The following TRNT1 variants were observed in gnomAD, a reference collection of about 807,000 sequenced individuals.
The protein encoded by TRNT1 is tRNA nucleotidyl transferase 1, also known as CCA tRNA nucleotidyltransferase 1, mitochondrial.
A neutral mutation model predicts 45.6 loss-of-function variants in TRNT1; 44 were observed. The observed-to-expected ratio is 0.97, with a 90% CI of 0.76 to 1.24. The LOEUF (loss-of-function observed/expected upper bound fraction) is 1.24. TRNT1 is among the 50% of genes most tolerant of loss of function. TRNT1 has a pLI of 0.00. For synonymous variants in TRNT1, 201 were observed against 171.4 expected (o/e 1.17, Z -1.35); for missense variants, 633 against 504.4 (o/e 1.25, Z -2.44).
downstream of TRNT1, chr3:3,149,093 G>C (rs1706283649): frequency 6.6e-6 from 1 of 151,914 alleles, no homozygotes; most frequent in African/African-American, 2.4e-5. Flanking sequence ...TTTCTGTGTA[G>C]CCAGTCATAA....
At chr3:3,152,825 A>T (rs140055846), downstream of TRNT1, 11 of 547,752 alleles carry the variant, frequency 2.0e-5, no homozygotes, top group African/African-American at 1.7e-4. Flanking sequence ...AGGAAATAGT[A>T]CTTGTTTTTA....
downstream of TRNT1, among the ~76,000 whole-genome samples, chr3:3,151,339 C>G (rs1221333872): frequency 6.6e-6 from 1 of 151,752 alleles, no homozygotes; most frequent in Admixed American, 6.6e-5. Flanking sequence ...TTGCCAAGAC[C>G]ACATTCTAAC....
downstream of TRNT1, among the ~76,000 whole-genome samples, chr3:3,151,465 T>G (rs1291978400): frequency 6.6e-6 from 1 of 151,230 alleles, no homozygotes; most frequent in Non-Finnish European, 1.5e-5. Flanking sequence ...TTAAACTGGA[T>G]GGGCCAGGAA....
At chr3:3,145,371 T>C (rs1301050588) in intron 5 of TRNT1, 2 of 151,796 alleles carry the variant, frequency 1.3e-5, no homozygotes, top group African/African-American at 4.8e-5. Context: ...GGCATGGCGG[T>C]GTGCGCCTGT....
chr3:3,149,344 T>C (rs1706308069), downstream of TRNT1: 1 of 152,178 alleles, frequency 6.6e-6, no homozygotes, highest in South Asian at 2.1e-4. Flanking sequence ...ATACTATTTC[T>C]GTATAGAAAG....
At chr3:3,130,001 G>A in intron 2 of TRNT1, 1 of 1,539,532 alleles carries the variant, frequency 6.5e-7, no homozygotes, top group Non-Finnish European at 8.7e-7. Flanking sequence ...CTGTCTGGAA[G>A]GAGCATAGGA....
chr3:3,151,126 A>ACTT, downstream of TRNT1: 1 of 1,421,460 alleles, frequency 7.0e-7, no homozygotes, highest in African/African-American at 1.4e-5. Context: ...ATGAAGACAG[A>ACTT]CTTTAGAGGC....
intron 4 of TRNT1, 115 bp downstream of exon 4, chr3:3,140,763 G>C: frequency 1.5e-6 from 2 of 1,339,330 alleles, no homozygotes; most frequent in Non-Finnish European, 2.1e-6. Context: ...TTTCTTCTAA[G>C]AGATGGTTTA....
At position 3,137,470 on chromosome 3, in the gene TRNT1, A is replaced by G. The variant is rs1705398977; in HGVS notation, c.342+17A>G. ...ACTGCCAGGGTGAGTCAAAAGTTTG[A>G]CAGGTAATTACATTGCTTTTTTGGT... On this transcript the variant is annotated intron_variant, in intron 3 of 7. Coordinates refer to ENST00000251607, the MANE Select transcript of TRNT1 (RefSeq NM_182916.3). 6.4e-7 allele frequency: 1 copy of G among 1,557,652 alleles called. No homozygotes were observed. Among genetic ancestry groups the G allele is most frequent in the Admixed American group, 2.1e-5 (1 of 48,070 alleles).
chr3:3,149,282 AAATAT>A (rs1456298969), downstream of TRNT1: 1 of 152,080 alleles, frequency 6.6e-6, no homozygotes, highest in Non-Finnish European at 1.5e-5. Flanking sequence ...TACTTACTTA[AAATAT>A]TTAAGTACTG....
intron 2 of TRNT1, chr3:3,129,821 G>C (rs1704888152): frequency 2.0e-6 from 3 of 1,522,478 alleles, no homozygotes; most frequent in Non-Finnish European, 1.8e-6. Context: ...TGCTTTGCCT[G>C]TGTTTCTGTA....
chr3:3,151,280 G>A (rs1278730512), downstream of TRNT1, among the ~76,000 whole-genome samples: 1 of 152,084 alleles, frequency 6.6e-6, no homozygotes, highest in Non-Finnish European at 1.5e-5. Context: ...TTCTTCTACT[G>A]CATAGAAATA....
chr3:3,137,825 G>C (rs968285203), intron 3 of TRNT1, among the ~76,000 whole-genome samples: 1 of 152,072 alleles, frequency 6.6e-6, no homozygotes, highest in African/African-American at 2.4e-5. Flanking sequence ...CATAATTTTT[G>C]GTTAAGTCAA....
Position 3,137,468 on chromosome 3 carries a change from T to C in TRNT1, c.342+15T>C. The C allele has an allele frequency of 6.3e-7, 1 of 1,583,990 alleles. No individual in the cohort carries two copies. Among genetic ancestry groups the C allele is most frequent in the Non-Finnish European group, 8.6e-7 (1 of 1,166,938 alleles). ...TTACTGCCAGGGTGAGTCAAAAGTTTGACAGGTAATTACATTGCTTTTTTG... is the reference window on the plus strand; with the variant it reads ...TTACTGCCAGGGTGAGTCAAAAGTTCGACAGGTAATTACATTGCTTTTTTG... On this transcript the variant is annotated intron_variant, in intron 3 of 7. Coordinates refer to ENST00000251607, the MANE Select transcript of TRNT1 (RefSeq NM_182916.3).
chr3:3,132,741 A>C (rs573792917), intron 2 of TRNT1, among the ~76,000 whole-genome samples: 15 of 133,756 alleles, frequency 1.1e-4, no homozygotes, highest in Middle Eastern at 7.2e-3. Flanking sequence ...GAAAAAAAAA[A>C]AAACACAAAA....
At chr3:3,142,697 T>G (rs922059628) in intron 4 of TRNT1, among the ~76,000 whole-genome samples, 3 of 152,228 alleles carry the variant, frequency 2.0e-5, no homozygotes, top group Non-Finnish European at 4.4e-5. Flanking sequence ...ATTTTTGCTT[T>G]GATCATATTC....
Position 3,147,462 on chromosome 3 carries a change from A to C in TRNT1, c.815A>C (p.Asn272Thr). The C allele has an allele frequency of 6.2e-7, 1 of 1,613,466 alleles. No individual in the cohort carries two copies. The highest frequency in any genetic ancestry group is 8.5e-7 in the Non-Finnish European group (1 of 1,179,638). ...DVAPYIGLPA[N>T]ASLEEFDKVS... is the part of the protein sequence containing the mutation. Reference sequence around the variant, plus strand: ...TTTGTCCCTACAGGTTTACCTGCTAATGCAAGTTTAGAAGAATTTGACAAA... The same window carrying C: ...TTTGTCCCTACAGGTTTACCTGCTACTGCAAGTTTAGAAGAATTTGACAAA... The change falls in exon 7 of 8, where the codon AAT becomes ACT. Residue 272 changes from asparagine (N) to threonine (T), a missense_variant. Coordinates refer to ENST00000251607, the MANE Select transcript of TRNT1 (RefSeq NM_182916.3).
At chr3:3,151,042 A>G, downstream of TRNT1, 1 of 1,613,834 alleles carries the variant, frequency 6.2e-7, no homozygotes, top group Non-Finnish European at 8.5e-7. Flanking sequence ...CAGTCCAGGC[A>G]TACCTAAGAA....
At chr3:3,150,481 A>AAT (rs1337945995), downstream of TRNT1, 1 of 213,938 alleles carries the variant, frequency 4.7e-6, no homozygotes, top group Non-Finnish European at 9.6e-6. Context: ...ATCAGGATCA[A>AAT]ATTATTAGTT....
Sources: gnomAD v4.1 joint callset for allele counts (sites outside exome capture counted in the v4.1 genomes callset) on GRCh38, gnomAD v4.1.1 for gene constraint, MANE v1.5 for transcripts, NCBI Gene and HGNC (gene_info 2026-07-23, HGNC 2026-07-21) for gene names.